The following EVA1A variants were observed in gnomAD, a reference collection of about 807,000 sequenced individuals.
EVA1A encodes eva-1 homolog A, regulator of programmed cell death.
In EVA1A, 7 loss-of-function variants were observed where a neutral mutation model predicts 9.8. The ratio of observed to expected loss-of-function variants is 0.71; its 90% CI spans 0.41 to 1.34. The LOEUF (loss-of-function observed/expected upper bound fraction) is 1.34, where lower values mean the gene tolerates loss of function less well. Among genes scored for constraint, EVA1A ranks in the 40% most tolerant of loss-of-function variants. The pLI is 0.01. For missense variants in EVA1A, 206 were observed against 205.9 expected, an observed-to-expected ratio of 1.00 and a Z score of 0.00; for synonymous variants, 90 against 85.6, an observed-to-expected ratio of 1.05 and a Z score of -0.28.
intron 1 of EVA1A, among the ~76,000 whole-genome samples, chr2:75,554,538 G>T (rs1326973806): frequency 6.6e-6 from 1 of 152,212 alleles, no homozygotes; most frequent in Non-Finnish European, 1.5e-5. Context: ...TTTTCTAAAA[G>T]TATCTTTGAT....
intron 3 of EVA1A, among the ~76,000 whole-genome samples, chr2:75,516,966 G>A (rs1675030579): frequency 6.6e-6 from 1 of 152,188 alleles, no homozygotes; most frequent in South Asian, 2.1e-4. Context: ...AAGAGGAGCT[G>A]ACTGGTGACC....
intron 1 of EVA1A, among the ~76,000 whole-genome samples, chr2:75,524,336 C>A (rs1358929974): frequency 6.6e-6 from 1 of 151,936 alleles, no homozygotes; most frequent in African/African-American, 2.4e-5. Context: ...TCTTCTCATC[C>A]CCTCCCTGCT....
At chr2:75,568,045 G>A (rs928004584) in intron 1 of EVA1A, among the ~76,000 whole-genome samples, 1 of 152,148 alleles carries the variant, frequency 6.6e-6, no homozygotes, top group Non-Finnish European at 1.5e-5. Context: ...GAAGCATAAG[G>A]TTTACTTGTA....
chr2:75,504,020 T>A (rs1206623471), intron 3 of EVA1A, among the ~76,000 whole-genome samples: 3 of 152,042 alleles, frequency 2.0e-5, no homozygotes, highest in Non-Finnish European at 2.9e-5. Flanking sequence ...CCCAAAATAA[T>A]AAAATTTTAA....
Position 75,538,780 on chromosome 2 carries a change from C to T in EVA1A, c.-191-16293G>A, listed in dbSNP as rs555310422. Among the ~76,000 whole-genome samples the T allele has an allele frequency of 4.6e-5, 7 of 152,276 alleles. No homozygotes were observed. In the East Asian group the frequency reaches 1.2e-3, roughly 25 times the overall value. On this transcript the variant is annotated intron_variant, in intron 1 of 3. Transcript: ENST00000393913. ...TGTATGATTTCATTTATACAACATT[C>T]TTGAAATGACAAAATTATAGAAATA...
At chr2:75,507,005 G>C (rs1674640328) in intron 3 of EVA1A, among the ~76,000 whole-genome samples, 1 of 152,216 alleles carries the variant, frequency 6.6e-6, no homozygotes. Flanking sequence ...AAAGGCTAAT[G>C]CCTGTCCACA....
At chr2:75,531,968 G>A (rs990727977) in intron 1 of EVA1A, among the ~76,000 whole-genome samples, 3 of 151,952 alleles carry the variant, frequency 2.0e-5, no homozygotes, top group African/African-American at 7.3e-5. Flanking sequence ...GACCATCCTG[G>A]CTAACACGGT....
At chr2:75,501,749 A>T (rs1362832052) in intron 3 of EVA1A, among the ~76,000 whole-genome samples, 1 of 152,166 alleles carries the variant, frequency 6.6e-6, no homozygotes, top group African/African-American at 2.4e-5. Context: ...TCATGGATAG[A>T]GGAAAGGACC....
At chr2:75,550,685 C>T (rs1205996988) in intron 1 of EVA1A, among the ~76,000 whole-genome samples, 1 of 152,192 alleles carries the variant, frequency 6.6e-6, no homozygotes, top group Non-Finnish European at 1.5e-5. Context: ...AAACACCTGT[C>T]CAGAATTTCT....
At chr2:75,562,745 G>A (rs1676951830), upstream of EVA1A, among the ~76,000 whole-genome samples, 1 of 152,234 alleles carries the variant, frequency 6.6e-6, no homozygotes, top group South Asian at 2.1e-4. Flanking sequence ...ATATGGAGAG[G>A]CTGTGATGAG....
chr2:75,513,641 C>T (rs1211000808), intron 3 of EVA1A, among the ~76,000 whole-genome samples: 1 of 152,144 alleles, frequency 6.6e-6, no homozygotes, highest in Admixed American at 6.5e-5. Flanking sequence ...CCAAAGTGTC[C>T]ATCAATGGAT....
chr2:75,537,360 C>A (rs531269651), intron 1 of EVA1A, among the ~76,000 whole-genome samples: 5 of 152,308 alleles, frequency 3.3e-5, no homozygotes, highest in South Asian at 4.1e-4. Flanking sequence ...TAACATTATA[C>A]TTCATCATGA....
Position 75,493,884 on chromosome 2 carries a change from T to C in EVA1A, c.86-275A>G, listed in dbSNP as rs141254063. On this transcript the variant is annotated intron_variant, in intron 3 of 3. Coordinates refer to ENST00000393913, the MANE Select transcript of EVA1A (RefSeq NM_001135032.2). ...AAGGTAAAAGAAAGAAAAACAGTAATTATTTAGCACCTACTGTACGCAAGC... is the reference window on the plus strand; with the variant it reads ...AAGGTAAAAGAAAGAAAAACAGTAACTATTTAGCACCTACTGTACGCAAGC... Among the ~76,000 whole-genome samples, 6 of 152,350 alleles carry C rather than the reference T, an allele frequency of 3.9e-5. No homozygotes were observed. The East Asian group carries it at 1.2e-3, about 29-fold the overall frequency.
chr2:75,513,162 T>C (rs918004533), intron 3 of EVA1A, among the ~76,000 whole-genome samples: 3 of 152,220 alleles, frequency 2.0e-5, no homozygotes, highest in African/African-American at 4.8e-5. Context: ...TTTTATTGTA[T>C]ATATTTAAGG....
At chr2:75,534,255 T>C (rs1189675405) in intron 1 of EVA1A, among the ~76,000 whole-genome samples, 1 of 151,878 alleles carries the variant, frequency 6.6e-6, no homozygotes. Flanking sequence ...AAAATAAAAT[T>C]AAGTTAAAAT....
At chr2:75,534,638 A>T (rs1380377708) in intron 1 of EVA1A, among the ~76,000 whole-genome samples, 1 of 152,202 alleles carries the variant, frequency 6.6e-6, no homozygotes, top group Non-Finnish European at 1.5e-5. Context: ...AGCTATTGGC[A>T]AAGTGGATTT....
At chr2:75,563,459 T>G (rs568007961), upstream of EVA1A, among the ~76,000 whole-genome samples, 5 of 152,330 alleles carry the variant, frequency 3.3e-5, no homozygotes, top group East Asian at 9.6e-4. Flanking sequence ...TCAAAGCTAC[T>G]AACTTCATGC....
chr2:75,550,526 T>C (rs1676485572), intron 1 of EVA1A, among the ~76,000 whole-genome samples: 2 of 152,166 alleles, frequency 1.3e-5, no homozygotes. Context: ...CATGCTCTAT[T>C]GAGGAATACT....
chr2:75,538,624 T>G (rs754671362), intron 1 of EVA1A, among the ~76,000 whole-genome samples: 1 of 152,166 alleles, frequency 6.6e-6, no homozygotes, highest in East Asian at 1.9e-4. Context: ...TTAAACCAAC[T>G]GTAGTACATC....
Sources: allele counts gnomAD v4.1 joint callset (sites outside exome capture counted in the v4.1 genomes callset), GRCh38; gene constraint gnomAD v4.1.1; transcripts MANE v1.5; gene names NCBI Gene and HGNC (gene_info 2026-07-23, HGNC 2026-07-21).